Variants in UBE3B observed in about 807,000 individuals in gnomAD.
UBE3B encodes ubiquitin-protein ligase E3B.
Under a neutral mutation model 132.3 loss-of-function variants are expected in UBE3B, and 80 were observed. The observed-to-expected ratio is 0.60, with a 90% CI of 0.50 to 0.73. The LOEUF (loss-of-function observed/expected upper bound fraction) is 0.73. Ranked by LOEUF, UBE3B falls within the 30% of genes least tolerant of loss-of-function variation. The pLI is 0.00. For missense variants in UBE3B, 1,196 were observed against 1,362.5 expected (o/e 0.88, Z 1.92); for synonymous variants, 487 against 520.4 (o/e 0.94, Z 0.87).
At position 109,534,836 on chromosome 12, in the gene UBE3B, C is replaced by T. The variant is rs1883299831; in HGVS notation, c.*54C>T. On this transcript the variant is annotated 3_prime_UTR_variant, in exon 28 of 28. Coordinates refer to ENST00000342494, the MANE Select transcript of UBE3B (RefSeq NM_130466.4). This position sits in a 1 kb window ranked among gnomAD's most constrained non-coding sequence, Gnocchi z 5.2. Reference sequence around the variant, plus strand: ...CCTGGGCTGCCAGGGACCTTCAGCTCCCAGAGGCAGTGTGGTCCTGGGAAT... The same window carrying T: ...CCTGGGCTGCCAGGGACCTTCAGCTTCCAGAGGCAGTGTGGTCCTGGGAAT... 7.0e-7 allele frequency: 1 copy of T among 1,419,904 alleles called. No homozygotes were observed. Among genetic ancestry groups the T allele is most frequent in the Non-Finnish European group, 9.4e-7 (1 of 1,061,328 alleles). 88.0% of individuals were successfully genotyped at this position (1,419,904 alleles called of 1,614,324 possible). A position where few individuals can be genotyped will look rare whatever the true frequency, so the allele number is the denominator to read the frequency against.
At chr12:109,512,459 C>T (rs776374559) in intron 18 of UBE3B, among the ~76,000 whole-genome samples, 3 of 152,114 alleles carry the variant, frequency 2.0e-5, no homozygotes, top group Non-Finnish European at 2.9e-5. Flanking sequence ...GCATGGCTCA[C>T]GTCCCTGGTG....
chr12:109,513,015 A>T (rs1169702123), intron 18 of UBE3B, among the ~76,000 whole-genome samples: 4 of 152,164 alleles, frequency 2.6e-5, no homozygotes, highest in Admixed American at 2.6e-4. Context: ...CAACCCCTAA[A>T]AGTGGCTTCT....
At chr12:109,527,076 G>T (rs1179844269) in intron 24 of UBE3B, among the ~76,000 whole-genome samples, 1 of 152,050 alleles carries the variant, frequency 6.6e-6, no homozygotes, top group Non-Finnish European at 1.5e-5. Context: ...GCGGGGAGGG[G>T]CAGATCATTT....
rs1378355346 is a variant in UBE3B at position 109,535,646 on chromosome 12, A to G, written c.*864A>G. 6.6e-6 allele frequency: 1 copy of G among 152,034 alleles called. No homozygotes were observed. The highest frequency in any genetic ancestry group is 1.5e-5 in the Non-Finnish European group (1 of 68,000). The allele number at this position is 152,034 out of a possible 1,614,324, so 9.4% of individuals were successfully genotyped here. ...TGCTTATTTGTCTCACTGGTTATCT[A>G]ATGAGGAACAAACACTAACCTAAGG... On this transcript the variant is annotated 3_prime_UTR_variant, in exon 28 of 28. Coordinates refer to ENST00000342494, the MANE Select transcript of UBE3B (RefSeq NM_130466.4).
intron 1 of UBE3B, among the ~76,000 whole-genome samples, chr12:109,480,901 C>G (rs1178937207): frequency 7.9e-5 from 12 of 152,138 alleles, no homozygotes; most frequent in Admixed American, 5.9e-4. Flanking sequence ...TGTGTGTGTA[C>G]ATTTTTCTTT....
At chr12:109,506,201 G>T (rs1027124555) in intron 14 of UBE3B, among the ~76,000 whole-genome samples, 3 of 152,210 alleles carry the variant, frequency 2.0e-5, no homozygotes, top group South Asian at 2.1e-4. Context: ...AGAGGTAAGT[G>T]GGGGGAAGCT....
the UBE3B span, among the ~76,000 whole-genome samples, chr12:109,544,472 A>G: frequency 6.6e-6 from 1 of 152,184 alleles, no homozygotes; most frequent in Non-Finnish European, 1.5e-5. Flanking sequence ...GTACAGTTCT[A>G]GCAGAGACGC....
At chr12:109,541,144 G>C (rs577061967), downstream of UBE3B, among the ~76,000 whole-genome samples, 16 of 152,348 alleles carry the variant, frequency 1.1e-4, no homozygotes, top group South Asian at 3.3e-3. Context: ...GCCTGCGGCT[G>C]AGTGGCCTTC....
chr12:109,481,815 A>G (rs1402557934), intron 2 of UBE3B, 73 bp downstream of exon 2: 3 of 152,226 alleles, frequency 2.0e-5, no homozygotes, highest in East Asian at 3.8e-4. Context: ...TTTCTCTCCA[A>G]GCCTTTTATA....
chr12:109,531,704 G>T (rs552143962), intron 26 of UBE3B, among the ~76,000 whole-genome samples: 1 of 152,200 alleles, frequency 6.6e-6, no homozygotes, highest in African/African-American at 2.4e-5. Flanking sequence ...ACAGGTCTCC[G>T]GGGATTTAGG....
intron 4 of UBE3B, 151 bp from the exon 5 acceptor site, chr12:109,485,861 C>T (rs1381323297): frequency 1.3e-6 from 1 of 773,988 alleles, no homozygotes; most frequent in Non-Finnish European, 2.0e-6. Flanking sequence ...CTTCAGTGTC[C>T]TCATCTGTAG....
At chr12:109,498,075 A>G in intron 10 of UBE3B, 152 bp downstream of exon 10, 1 of 1,320,620 alleles carries the variant, frequency 7.6e-7, no homozygotes, top group Non-Finnish European at 1.1e-6. Context: ...CATTTGTGTT[A>G]GTAGCCCAAA....
intron 9 of UBE3B, among the ~76,000 whole-genome samples, chr12:109,497,586 T>C (rs1169895714): frequency 4.6e-5 from 7 of 152,194 alleles, no homozygotes; most frequent in Admixed American, 4.6e-4. Context: ...CATTCTCTCA[T>C]GTCAGTAAAA....
At chr12:109,507,756 C>A in intron 15 of UBE3B, 21 bp downstream of exon 15, 1 of 1,601,680 alleles carries the variant, frequency 6.2e-7, no homozygotes, top group Non-Finnish European at 8.5e-7. Flanking sequence ...TGCTGTGGGA[C>A]TGAATTCCTT....
chr12:109,524,253 C>G (rs1592960751), intron 22 of UBE3B, 138 bp downstream of exon 22: 2 of 1,377,992 alleles, frequency 1.5e-6, no homozygotes, highest in Non-Finnish European at 1.0e-6. Flanking sequence ...CCCCTGTGGG[C>G]AGTCCCACTT....
rs754858689 is a variant in UBE3B at position 109,498,188 on chromosome 12, C to T, written c.820-45C>T. 3 of 1,609,216 alleles carry T rather than the reference C, an allele frequency of 1.9e-6. No individual in the cohort carries two copies. In the South Asian group the frequency reaches 3.3e-5, roughly 18 times the overall value. On this transcript the variant is annotated intron_variant, in intron 10 of 27. Coordinates refer to ENST00000342494, the MANE Select transcript of UBE3B (RefSeq NM_130466.4). Reference sequence around the variant, plus strand: ...GATCAAGTTCACTCTCTACAGGAAACTGTTTCTGGCAGTTTCTGATTTAAC... The same window carrying T: ...GATCAAGTTCACTCTCTACAGGAAATTGTTTCTGGCAGTTTCTGATTTAAC...
the UBE3B span, among the ~76,000 whole-genome samples, chr12:109,544,822 C>T: frequency 2.0e-5 from 3 of 152,318 alleles, no homozygotes; most frequent in East Asian, 3.9e-4. Context: ...TAACGCTGGT[C>T]GGCTGGGCAC....
At chr12:109,493,336 C>G (rs554047913) in intron 9 of UBE3B, among the ~76,000 whole-genome samples, 206 of 152,296 alleles carry the variant, frequency 1.4e-3, no homozygotes, top group African/African-American at 4.8e-3. Flanking sequence ...TCTGCCTCCC[C>G]CTCCACCTCC....
chr12:109,543,847 G>C, the UBE3B span, among the ~76,000 whole-genome samples: 1 of 151,990 alleles, frequency 6.6e-6, no homozygotes, highest in Non-Finnish European at 1.5e-5. Context: ...AAAAAAAAGT[G>C]GGGGGTAGCA....
Sources: allele counts gnomAD v4.1 joint callset (sites outside exome capture counted in the v4.1 genomes callset), GRCh38; gene constraint gnomAD v4.1.1; non-coding constraint Gnocchi (gnomAD v3.1); transcripts MANE v1.5; gene names NCBI Gene and HGNC (gene_info 2026-07-23, HGNC 2026-07-21).